Variants in SMYD3 observed in about 807,000 individuals in gnomAD.
SMYD3 encodes the protein histone-lysine N-methyltransferase SMYD3.
A neutral mutation model predicts 57.7 loss-of-function variants in SMYD3; 36 were observed. The ratio of observed to expected loss-of-function variants is 0.62; its 90% CI spans 0.48 to 0.82. The LOEUF (loss-of-function observed/expected upper bound fraction) is 0.82. Ranked by LOEUF, SMYD3 falls within the 40% of genes least tolerant of loss-of-function variation. SMYD3 has a pLI of 0.00. For synonymous variants in SMYD3, 211 were observed against 195.0 expected (o/e 1.08, Z -0.68); for missense variants, 515 against 538.8 (o/e 0.96, Z 0.44).
intron 1 of SMYD3, among the ~76,000 whole-genome samples, chr1:246,397,473 A>C (rs1273675209): frequency 6.6e-6 from 1 of 152,172 alleles, no homozygotes; most frequent in East Asian, 1.9e-4. Context: ...ACCATCTCCG[A>C]AGATAGGAGC....
chr1:245,872,708 C>G (rs1302421380), intron 8 of SMYD3, among the ~76,000 whole-genome samples: 1 of 152,236 alleles, frequency 6.6e-6, no homozygotes, highest in African/African-American at 2.4e-5. Flanking sequence ...GCCCATTTAG[C>G]TTTAGATCTC....
At chr1:245,778,459 T>G (rs1178836838) in intron 10 of SMYD3, among the ~76,000 whole-genome samples, 1 of 152,252 alleles carries the variant, frequency 6.6e-6, no homozygotes, top group Non-Finnish European at 1.5e-5. Context: ...ACAACACCTG[T>G]TATCTACCTT....
intron 11 of SMYD3, among the ~76,000 whole-genome samples, chr1:245,756,790 C>T: frequency 7.9e-6 from 1 of 127,086 alleles, no homozygotes; most frequent in East Asian, 2.4e-4. Flanking sequence ...TCTCTTGCTG[C>T]TTTTAGGACT....
intron 8 of SMYD3, among the ~76,000 whole-genome samples, chr1:245,914,031 T>C (rs2055213938): frequency 2.0e-5 from 3 of 152,190 alleles, no homozygotes; most frequent in Non-Finnish European, 4.4e-5. Context: ...GCAAAAGTAA[T>C]TGTGGTTTTT....
At chr1:246,391,466 G>A (rs28720903) in intron 1 of SMYD3, among the ~76,000 whole-genome samples, 22 of 150,878 alleles carry the variant, frequency 1.5e-4, no homozygotes, top group East Asian at 7.9e-4. Flanking sequence ...AAGGAGAGGG[G>A]GAGAGAGGGA....
chr1:245,806,295 G>GT (rs1156648044), intron 10 of SMYD3, among the ~76,000 whole-genome samples: 1 of 152,152 alleles, frequency 6.6e-6, no homozygotes, highest in Non-Finnish European at 1.5e-5. Context: ...AATAAAAACA[G>GT]TAACAGCTTA....
intron 5 of SMYD3, among the ~76,000 whole-genome samples, chr1:246,091,899 A>T (rs2060829833): frequency 6.6e-6 from 1 of 152,236 alleles, no homozygotes; most frequent in Admixed American, 6.5e-5. Context: ...CATGAATTCA[A>T]AACAGACAAG....
At chr1:246,073,117 G>A (rs756234058) in intron 5 of SMYD3, among the ~76,000 whole-genome samples, 37 of 152,112 alleles carry the variant, frequency 2.4e-4, no homozygotes, top group Non-Finnish European at 5.0e-4. Context: ...AGTAATAAGC[G>A]TTCACACATT....
At chr1:246,395,924 G>A (rs1276771523) in intron 1 of SMYD3, among the ~76,000 whole-genome samples, 1 of 152,198 alleles carries the variant, frequency 6.6e-6, no homozygotes, top group African/African-American at 2.4e-5. Context: ...GCAAGAGCCT[G>A]CAGACGTCAA....
intron 5 of SMYD3, among the ~76,000 whole-genome samples, chr1:245,937,465 C>G (rs1245694384): frequency 6.6e-6 from 1 of 152,210 alleles, no homozygotes; most frequent in East Asian, 1.9e-4. Context: ...AGGCTCTTAC[C>G]TGGCATTTCA....
intron 1 of SMYD3, among the ~76,000 whole-genome samples, chr1:246,473,679 T>C (rs1195486497): frequency 2.0e-5 from 3 of 152,206 alleles, no homozygotes; most frequent in African/African-American, 7.2e-5. Flanking sequence ...ATTGTTATTA[T>C]TATGACTTAC....
chr1:246,383,838 T>C (rs1328903566), intron 1 of SMYD3, among the ~76,000 whole-genome samples: 1 of 152,230 alleles, frequency 6.6e-6, no homozygotes, highest in African/African-American at 2.4e-5. Flanking sequence ...AACATGTTTG[T>C]TTCTCCTGCC....
chr1:246,142,068 C>A (rs1383188402), intron 5 of SMYD3, among the ~76,000 whole-genome samples: 1 of 152,106 alleles, frequency 6.6e-6, no homozygotes, highest in African/African-American at 2.4e-5. Context: ...TTTTTTCTTT[C>A]TTTAGCACCA....
chr1:246,031,091 A>G (rs973265519), intron 5 of SMYD3, among the ~76,000 whole-genome samples: 2 of 152,192 alleles, frequency 1.3e-5, no homozygotes, highest in Non-Finnish European at 2.9e-5. Flanking sequence ...CTGCCAGGTA[A>G]GGAACTTGCT....
At chr1:246,074,232 A>C (rs957365625) in intron 5 of SMYD3, among the ~76,000 whole-genome samples, 4 of 152,172 alleles carry the variant, frequency 2.6e-5, no homozygotes, top group Admixed American at 2.6e-4. Context: ...AACTAAATTA[A>C]TAAGCAGTCT....
At chr1:246,414,805 C>A (rs1248087962) in intron 1 of SMYD3, among the ~76,000 whole-genome samples, 1 of 147,304 alleles carries the variant, frequency 6.8e-6, no homozygotes. Flanking sequence ...GCAACCTCTG[C>A]CTCCTGAGTT....
intron 10 of SMYD3, among the ~76,000 whole-genome samples, chr1:245,815,838 C>T (rs1487628148): frequency 6.6e-6 from 1 of 152,182 alleles, no homozygotes; most frequent in Non-Finnish European, 1.5e-5. Context: ...GTTTCACAGC[C>T]TTCACAGCCT....
At chr1:246,212,150 C>T (rs532525603) in intron 5 of SMYD3, among the ~76,000 whole-genome samples, 3 of 151,942 alleles carry the variant, frequency 2.0e-5, no homozygotes, top group Non-Finnish European at 2.9e-5. Flanking sequence ...TAAACTAAAT[C>T]AACTTTTTCA....
chr1:246,234,014 G>A lies in SMYD3; in HGVS notation c.531+93187C>T, dbSNP rs2063470509. Among the ~76,000 whole-genome samples the A allele has an allele frequency of 1.4e-5, 2 of 142,618 alleles. 1 individual carries two copies. Among genetic ancestry groups the A allele is most frequent in the African/African-American group, 5.2e-5 (2 of 38,800 alleles). 93.6% of individuals were successfully genotyped at this position (142,618 alleles called of 152,430 possible). A position where few individuals can be genotyped will look rare whatever the true frequency, so the allele number is the denominator to read the frequency against. ...TGTGATGAACATATACCACACAGAG[G>A]AGAAGCACTCCTTCAATCCACACTG... On this transcript the variant is annotated intron_variant, in intron 5 of 11. Coordinates refer to ENST00000490107, the MANE Select transcript of SMYD3 (RefSeq NM_001167740.2).
Sources: allele counts gnomAD v4.1 joint callset (sites outside exome capture counted in the v4.1 genomes callset), GRCh38; gene constraint gnomAD v4.1.1; transcripts MANE v1.5; gene names NCBI Gene and HGNC (gene_info 2026-07-23, HGNC 2026-07-21).